The following STAMBPL1 variants were observed in gnomAD, a reference collection of about 807,000 sequenced individuals.
STAMBPL1 encodes the protein AMSH-like protease.
A neutral mutation model predicts 52.9 loss-of-function variants in STAMBPL1; 44 were observed. That is an observed-to-expected ratio of 0.83 (90% confidence interval 0.65 to 1.07). The LOEUF (loss-of-function observed/expected upper bound fraction) is 1.07. STAMBPL1 is among the 50% of genes least tolerant of loss of function. STAMBPL1 has a pLI of 0.00. For missense variants in STAMBPL1, 511 were observed against 520.8 expected (o/e 0.98, Z 0.18); for synonymous variants, 164 against 177.3 (o/e 0.92, Z 0.60).
intron 1 of STAMBPL1, among the ~76,000 whole-genome samples, chr10:88,891,099 C>A (rs921890440): frequency 3.3e-5 from 5 of 152,058 alleles, no homozygotes; most frequent in African/African-American, 9.7e-5. Context: ...TTCTGCCTAG[C>A]GGTCAAGAAA....
At chr10:88,891,003 A>C (rs1844667698) in intron 1 of STAMBPL1, among the ~76,000 whole-genome samples, 1 of 152,232 alleles carries the variant, frequency 6.6e-6, no homozygotes, top group South Asian at 2.1e-4. Flanking sequence ...CTTTGTTGGG[A>C]AGAGTTGGGA....
intron 3 of STAMBPL1, among the ~76,000 whole-genome samples, chr10:88,906,486 TATTA>T (rs1278967385): frequency 6.6e-6 from 1 of 152,262 alleles, no homozygotes; most frequent in East Asian, 1.9e-4. Flanking sequence ...GCTTATTATT[TATTA>T]ATTTTATTTA....
At chr10:88,919,008 C>A (rs1453176502) in intron 8 of STAMBPL1, among the ~76,000 whole-genome samples, 1 of 152,132 alleles carries the variant, frequency 6.6e-6, no homozygotes, top group Non-Finnish European at 1.5e-5. Context: ...TGTTACATTT[C>A]TAAACCTAAG....
intron 1 of STAMBPL1, among the ~76,000 whole-genome samples, chr10:88,886,664 T>C (rs909920155): frequency 6.6e-6 from 1 of 152,224 alleles, no homozygotes; most frequent in Non-Finnish European, 1.5e-5. Flanking sequence ...TTGATGCTTC[T>C]CTGGGTTAAT....
chr10:88,883,020 C>T (rs914586103), intron 1 of STAMBPL1, among the ~76,000 whole-genome samples: 2 of 126,670 alleles, frequency 1.6e-5, no homozygotes, highest in South Asian at 3.2e-4. Flanking sequence ...TCCCCCCACC[C>T]CACGACAGGC....
intron 6 of STAMBPL1, among the ~76,000 whole-genome samples, chr10:88,914,115 CGTT>C (rs1380447923): frequency 6.6e-6 from 1 of 152,142 alleles, no homozygotes; most frequent in Non-Finnish European, 1.5e-5. Context: ...TTTACCAAAA[CGTT>C]GTGCTTTTAC....
Position 88,918,279 on chromosome 10 carries a change from A to G in STAMBPL1, c.1041+1462A>G, listed in dbSNP as rs986717655. Among the ~76,000 whole-genome samples, 20 of 145,582 alleles carry G rather than the reference A, an allele frequency of 1.4e-4. No individual in the cohort carries two copies. In the Middle Eastern group the frequency reaches 0.01, roughly 75 times the overall value. On this transcript the variant is annotated intron_variant, in intron 8 of 10. Transcript: ENST00000371926. ...TAGAGAAGCACTGGGGAGGAGCAGC[A>G]TGCACACACACACACACACACACAC... is the stretch of plus-strand genomic sequence containing the variant.
rs1363247670 is a variant in STAMBPL1 at position 88,910,905 on chromosome 10, A to G, written c.325-11A>G. On this transcript the variant is annotated splice_polypyrimidine_tract_variant and intron_variant, in intron 4 of 10. Transcript: ENST00000371926. ...ATCCCACTAATCAATATGTATATAT[A>G]TTTTTAAAAGAAACTGAAGGAGATT... 6.4e-7 allele frequency: 1 copy of G among 1,560,934 alleles called. No individual in the cohort carries two copies. Among genetic ancestry groups the G allele is most frequent in the Non-Finnish European group, 8.7e-7 (1 of 1,154,256 alleles).
At chr10:88,909,362 T>C (rs886713784) in intron 4 of STAMBPL1, among the ~76,000 whole-genome samples, 3 of 152,222 alleles carry the variant, frequency 2.0e-5, no homozygotes, top group Admixed American at 1.3e-4. Flanking sequence ...TAGCTGTGAA[T>C]ATATTCTTTT....
At chr10:88,914,505 T>C in intron 6 of STAMBPL1, 29 bp from the exon 7 acceptor site, 1 of 1,457,640 alleles carries the variant, frequency 6.9e-7, no homozygotes, top group Non-Finnish European at 9.1e-7. Flanking sequence ...GTTTGTTTTT[T>C]AGCCTTTTCT....
At chr10:88,884,420 G>C (rs1844479355) in intron 1 of STAMBPL1, among the ~76,000 whole-genome samples, 1 of 152,196 alleles carries the variant, frequency 6.6e-6, no homozygotes, top group African/African-American at 2.4e-5. Flanking sequence ...GGGAGCAAGT[G>C]AGGAAAGCAT....
intron 1 of STAMBPL1, chr10:88,882,802 C>G (rs1229516745): frequency 6.6e-6 from 1 of 152,136 alleles, no homozygotes; most frequent in Non-Finnish European, 1.5e-5. Context: ...TTCCTTAGGG[C>G]TGATGCATAG....
Position 88,914,677 on chromosome 10 carries a change from A to AATATAAATATAGAT in STAMBPL1, c.903+24_903+25insAATATAGATATATA. 1.2e-6 allele frequency: 1 copy of AATATAAATATAGAT among 851,214 alleles called. No homozygotes were observed. Among genetic ancestry groups the AATATAAATATAGAT allele is most frequent in the Non-Finnish European group, 1.6e-6 (1 of 644,074 alleles). The allele number at this position is 851,214 out of a possible 1,614,324, so 52.7% of individuals were successfully genotyped here. On this transcript the variant is annotated intron_variant, in intron 7 of 10. Transcript: ENST00000371926. ...AAAACTGGTATGATCTTTTTATATAAATATATATATATATATATCTGCATA... is the reference window on the plus strand; with the variant it reads ...AAAACTGGTATGATCTTTTTATATAAATATAAATATAGATATATATATATATATATATCTGCATA...
chr10:88,914,677 A>AATATAAATATATATATATATAT lies in STAMBPL1; in HGVS notation c.903+24_903+25insAATATATATATATATATATATA, dbSNP rs143062007. 8.2e-6 allele frequency: 7 copies of AATATAAATATATATATATATAT among 851,654 alleles called. No homozygotes were observed. The highest frequency in any genetic ancestry group is 3.5e-5 in the African/African-American group (2 of 56,968). 52.8% of individuals were successfully genotyped at this position (851,654 alleles called of 1,614,324 possible). On this transcript the variant is annotated intron_variant, in intron 7 of 10. Transcript: ENST00000371926. Reference sequence around the variant, plus strand: ...AAAACTGGTATGATCTTTTTATATAAATATATATATATATATATCTGCATA... The same window carrying AATATAAATATATATATATATAT: ...AAAACTGGTATGATCTTTTTATATAAATATAAATATATATATATATATATATATATATATATATATCTGCATA...
chr10:88,905,535 C>CATCAGT lies in STAMBPL1; in HGVS notation c.124_129dup (p.Ile42_Ser43dup). 1.2e-6 allele frequency: 2 copies of CATCAGT among 1,614,054 alleles called. No homozygotes were observed. The highest frequency in any genetic ancestry group is 1.7e-6 in the Non-Finnish European group (2 of 1,179,964). On this transcript the variant is annotated inframe_insertion, in exon 3 of 11. Coordinates refer to ENST00000371926, the MANE Select transcript of STAMBPL1 (RefSeq NM_020799.4). ...TAAGCAAGCTTGGTTGTAATATCAC[C>CATCAGT]ATCAGTGAAGACATCACTCCACGAC... is the stretch of plus-strand genomic sequence containing the variant.
At chr10:88,918,827 T>C (rs935561517) in intron 8 of STAMBPL1, among the ~76,000 whole-genome samples, 1 of 152,164 alleles carries the variant, frequency 6.6e-6, no homozygotes, top group Non-Finnish European at 1.5e-5. Context: ...TAACAAAACA[T>C]TTTCCAAATT....
At chr10:88,906,410 A>G (rs1358464184) in intron 3 of STAMBPL1, among the ~76,000 whole-genome samples, 1 of 152,202 alleles carries the variant, frequency 6.6e-6, no homozygotes, top group Non-Finnish European at 1.5e-5. Flanking sequence ...TGTCATCAAT[A>G]ATTATATCTT....
chr10:88,912,861 C>A, intron 5 of STAMBPL1: 1 of 459,566 alleles, frequency 2.2e-6, no homozygotes, highest in South Asian at 3.3e-5. Context: ...ATGAAGGGAT[C>A]CTGATTGTCA....
intron 8 of STAMBPL1, among the ~76,000 whole-genome samples, chr10:88,919,157 T>C (rs1040584993): frequency 6.6e-6 from 1 of 152,180 alleles, no homozygotes; most frequent in Non-Finnish European, 1.5e-5. Context: ...TATTTGACTT[T>C]AGACATTTTG....
Sources: allele counts gnomAD v4.1 joint callset (sites outside exome capture counted in the v4.1 genomes callset), GRCh38; gene constraint gnomAD v4.1.1; transcripts MANE v1.5; gene names NCBI Gene and HGNC (gene_info 2026-07-23, HGNC 2026-07-21).